ZBTB7C: variants seen among roughly 807,000 people sequenced by gnomAD.
ZBTB7C encodes the protein zinc finger and BTB domain containing 7C.
A neutral mutation model predicts 25.7 loss-of-function variants in ZBTB7C; 8 were observed. That is an observed-to-expected ratio of 0.31 (90% CI 0.18 to 0.56). The LOEUF (loss-of-function observed/expected upper bound fraction) is 0.56, where lower values mean the gene tolerates loss of function less well. Ranked by LOEUF, ZBTB7C falls within the 20% of genes least tolerant of loss-of-function variation. ZBTB7C has a pLI of 0.91. For missense variants in ZBTB7C, 824 were observed against 855.2 expected, an observed-to-expected ratio of 0.96 and a Z score of 0.46; for synonymous variants, 394 against 369.0, an observed-to-expected ratio of 1.07 and a Z score of -0.78.
At position 48,040,993 on chromosome 18, in the gene ZBTB7C, C is replaced by T. The variant is rs747789608; in HGVS notation, c.115G>A (p.Val39Met). ...HDGLLCDVLLVVQEQEYRTHR... is the reference protein window; with the variant it reads ...HDGLLCDVLLMVQEQEYRTHR... ...GTCCGATACTCCTGCTCCTGCACCA[C>T]CAGGAGCACGTCACACAGCAGGCCA... Residue 39 changes from valine (V) to methionine (M), a missense_variant, in exon 4 of 5, where the codon GTG becomes ATG. Val to Met is a conservative substitution (Grantham distance 21, BLOSUM62 1). This residue lies in a region of ZBTB7C where 117 missense variants were observed against 167.7 expected (regional missense o/e 0.70). Coordinates refer to ENST00000590800, the MANE Select transcript of ZBTB7C (RefSeq NM_001318841.2). 2.6e-5 allele frequency: 42 copies of T among 1,614,168 alleles called. No homozygotes were observed. The highest frequency in any genetic ancestry group is 3.4e-5 in the Non-Finnish European group (40 of 1,180,014).
intron 2 of ZBTB7C, among the ~76,000 whole-genome samples, chr18:48,244,346 T>C (rs1260555721): frequency 2.0e-5 from 3 of 151,916 alleles, no homozygotes; most frequent in African/African-American, 4.8e-5. Context: ...ACCCAGGAGG[T>C]GGAGCTTGCA....
At chr18:48,170,838 C>T (rs1442771656) in intron 3 of ZBTB7C, among the ~76,000 whole-genome samples, 1 of 152,126 alleles carries the variant, frequency 6.6e-6, no homozygotes, top group Non-Finnish European at 1.5e-5. Context: ...CGAGAACCCC[C>T]CGCCCCTGTA....
At chr18:48,193,171 G>GA (rs2145168522) in intron 2 of ZBTB7C, among the ~76,000 whole-genome samples, 1 of 152,202 alleles carries the variant, frequency 6.6e-6, no homozygotes, top group East Asian at 1.9e-4. Context: ...GGCCAGCAGG[G>GA]CCTCCAGCTG....
intron 1 of ZBTB7C, among the ~76,000 whole-genome samples, chr18:48,365,157 A>G (rs766095842): frequency 1.3e-4 from 20 of 152,260 alleles, no homozygotes; most frequent in Non-Finnish European, 2.5e-4. Context: ...TGTTTAATCC[A>G]TCCCCACCAT....
At chr18:48,239,659 G>A (rs1367861020) in intron 2 of ZBTB7C, among the ~76,000 whole-genome samples, 1 of 152,152 alleles carries the variant, frequency 6.6e-6, no homozygotes, top group East Asian at 1.9e-4. Context: ...CCCATCCCTA[G>A]GGGAAGGGGA....
chr18:48,178,259 G>C (rs1341835840), intron 3 of ZBTB7C, among the ~76,000 whole-genome samples: 1 of 152,168 alleles, frequency 6.6e-6, no homozygotes, highest in Non-Finnish European at 1.5e-5. Flanking sequence ...TAATGTATTT[G>C]GTACTTGTCT....
At chr18:48,135,968 G>C (rs1598946602) in intron 3 of ZBTB7C, among the ~76,000 whole-genome samples, 1 of 152,216 alleles carries the variant, frequency 6.6e-6, no homozygotes, top group Admixed American at 6.5e-5. Context: ...CCGCCTGCCG[G>C]CACAGACACA....
chr18:48,054,152 G>A (rs1420220446), intron 3 of ZBTB7C, among the ~76,000 whole-genome samples: 1 of 152,194 alleles, frequency 6.6e-6, no homozygotes, highest in Non-Finnish European at 1.5e-5. Context: ...CGGTGAGGCA[G>A]GGGCCTCATG....
chr18:48,034,270 G>GC (rs1379536827), intron 4 of ZBTB7C, among the ~76,000 whole-genome samples: 1 of 152,064 alleles, frequency 6.6e-6, no homozygotes, highest in Admixed American at 6.6e-5. Context: ...CTTCCTGCCT[G>GC]CCCCCCATGG....
intron 3 of ZBTB7C, among the ~76,000 whole-genome samples, chr18:48,127,810 T>C (rs935081158): frequency 2.6e-5 from 4 of 151,336 alleles, no homozygotes; most frequent in Admixed American, 1.3e-4. Flanking sequence ...GCCACAGGAG[T>C]GGGAGAGGAG....
intron 2 of ZBTB7C, among the ~76,000 whole-genome samples, chr18:48,267,776 C>T (rs1318848858): frequency 6.6e-6 from 1 of 152,158 alleles, no homozygotes; most frequent in Non-Finnish European, 1.5e-5. Flanking sequence ...CTGACCCTTA[C>T]ACCACGTGAG....
In ZBTB7C at chr18:48,409,273, C is replaced by G. The variant is rs2048353596; in HGVS notation, c.-351G>C. 3 of 149,492 alleles carry G rather than the reference C, an allele frequency of 2.0e-5. No homozygotes were observed. The allele number at this position is 149,492 out of a possible 1,614,324, so 9.3% of individuals were successfully genotyped here. A position where few individuals can be genotyped will look rare whatever the true frequency, so the allele number is the denominator to read the frequency against. On this transcript the variant is annotated 5_prime_UTR_variant, in exon 1 of 5. Coordinates refer to ENST00000590800, the MANE Select transcript of ZBTB7C (RefSeq NM_001318841.2). ...GCGCCTCCCGCACTTGGCTCCGGGA[C>G]GCAGTCCTGGCGTCCTCCTTCGCCG... is the stretch of plus-strand genomic sequence containing the variant.
rs1452627199 is a variant in ZBTB7C, at chr18:48,040,043, C to T, written c.1065G>A (p.Glu355=). 1 of 1,614,018 alleles carries T rather than the reference C, an allele frequency of 6.2e-7. No individual in the cohort carries two copies. Among genetic ancestry groups the T allele is most frequent in the East Asian group, 2.2e-5 (1 of 44,892 alleles). ...GAGAGGCCTTGGGCTTCAGCTTGCG[C>T]TCTTCTACCAGGGGCCAGGGTGGGA... ...GLFPPWPLVE[E]RKLKPKASQQ... The change falls in exon 4 of 5, where the codon GAG becomes GAA. Residue 355 remains glutamate, a synonymous_variant. Transcript: ENST00000590800.
At chr18:48,290,617 G>A (rs959054210) in intron 2 of ZBTB7C, among the ~76,000 whole-genome samples, 1 of 152,156 alleles carries the variant, frequency 6.6e-6, no homozygotes, top group Admixed American at 6.5e-5. Flanking sequence ...TCCTTCCCTG[G>A]GCAGACAACA....
intron 1 of ZBTB7C, among the ~76,000 whole-genome samples, chr18:48,368,400 C>T (rs1477453353): frequency 1.3e-5 from 2 of 151,962 alleles, no homozygotes; most frequent in Non-Finnish European, 2.9e-5. Flanking sequence ...AAAAGTTACT[C>T]AATCTGAAAA....
Position 48,092,427 on chromosome 18 carries a change from C to T in ZBTB7C, c.-16-51304G>A, listed in dbSNP as rs565698697. On this transcript the variant is annotated intron_variant, in intron 3 of 4. Coordinates refer to ENST00000590800, the MANE Select transcript of ZBTB7C (RefSeq NM_001318841.2). ...TAAATATCATGTAAACTGATGAAAT[C>T]GAAGTACAAAAAGAAAGCAAGTTGA... 6.6e-5 allele frequency among the ~76,000 whole-genome samples: 10 copies of T among 152,206 alleles called. No homozygotes were observed. In the East Asian group the frequency reaches 1.2e-3, roughly 18 times the overall value.
intron 2 of ZBTB7C, among the ~76,000 whole-genome samples, chr18:48,326,904 C>A (rs2046233103): frequency 6.6e-6 from 1 of 152,138 alleles, no homozygotes; most frequent in Non-Finnish European, 1.5e-5. Context: ...AATTCTAATC[C>A]AACTAAACAC....
intron 2 of ZBTB7C, among the ~76,000 whole-genome samples, chr18:48,289,008 T>G (rs1282775277): frequency 6.6e-6 from 1 of 152,102 alleles, no homozygotes; most frequent in Non-Finnish European, 1.5e-5. Context: ...TTTATTGAAC[T>G]CAAAAAGTAA....
intron 2 of ZBTB7C, among the ~76,000 whole-genome samples, chr18:48,292,217 G>A (rs958007370): frequency 6.6e-6 from 1 of 151,876 alleles, no homozygotes; most frequent in Non-Finnish European, 1.5e-5. Context: ...AAATTGCTAC[G>A]ATCTGTTAAG....
Sources: allele counts gnomAD v4.1 joint callset (sites outside exome capture counted in the v4.1 genomes callset), GRCh38; gene constraint gnomAD v4.1.1; regional missense constraint gnomAD v4.1.1; transcripts MANE v1.5; gene names NCBI Gene and HGNC (gene_info 2026-07-23, HGNC 2026-07-21).